The following SPIDR variants were observed in gnomAD, a reference collection of about 807,000 sequenced individuals.
SPIDR encodes scaffold protein involved in DNA repair.
A neutral mutation model predicts 104.6 loss-of-function variants in SPIDR; 93 were observed. The observed-to-expected ratio is 0.89, with a 90% CI of 0.75 to 1.06. The LOEUF is 1.06. Ranked by LOEUF, SPIDR falls within the 50% of genes least tolerant of loss-of-function variation. The pLI is 0.00. For synonymous variants in SPIDR, 431 were observed against 416.9 expected (o/e 1.03, Z -0.41); for missense variants, 1,154 against 1,111.2 (o/e 1.04, Z -0.55).
intron 8 of SPIDR, among the ~76,000 whole-genome samples, chr8:47,578,534 G>A (rs2059377095): frequency 6.6e-6 from 1 of 152,050 alleles, no homozygotes; most frequent in Non-Finnish European, 1.5e-5. Flanking sequence ...GAAATCATAT[G>A]TATGGAAACT....
At chr8:47,324,490 T>C (rs1554599077) in intron 5 of SPIDR, among the ~76,000 whole-genome samples, 1 of 152,234 alleles carries the variant, frequency 6.6e-6, no homozygotes, top group African/African-American at 2.4e-5. Flanking sequence ...TTATCTGTGC[T>C]GTGAAGTGAA....
intron 14 of SPIDR, among the ~76,000 whole-genome samples, chr8:47,711,662 A>G (rs1353092083): frequency 2.0e-5 from 3 of 152,148 alleles, no homozygotes; most frequent in Non-Finnish European, 4.4e-5. Flanking sequence ...ACACACAACT[A>G]TATCTACTTC....
At chr8:47,357,558 G>A (rs1326662846) in intron 5 of SPIDR, among the ~76,000 whole-genome samples, 7 of 152,120 alleles carry the variant, frequency 4.6e-5, no homozygotes, top group East Asian at 1.9e-4. Context: ...TTCGTCCATC[G>A]TTTTACTCTG....
At chr8:47,481,351 G>GC (rs375730386) in intron 8 of SPIDR, among the ~76,000 whole-genome samples, 45 of 152,292 alleles carry the variant, frequency 3.0e-4, no homozygotes, top group African/African-American at 1.1e-3. Flanking sequence ...CAAGATTGAT[G>GC]GTTGGCCAGA....
At chr8:47,489,592 C>T (rs1179131791) in intron 8 of SPIDR, among the ~76,000 whole-genome samples, 1 of 152,236 alleles carries the variant, frequency 6.6e-6, no homozygotes. Context: ...CACTATTTGA[C>T]TTTAAACTAT....
rs374317684 is a variant in SPIDR, at chr8:47,599,013, G to A, written c.1361G>A (p.Arg454His). 61 of 1,613,258 alleles carry A rather than the reference G, an allele frequency of 3.8e-5. No individual in the cohort carries two copies. The highest frequency in any genetic ancestry group is 2.1e-4 in the African/African-American group (16 of 74,914). The change falls in exon 10 of 20, where the codon CGC becomes CAC. Residue 454 changes from arginine (R) to histidine (H), a missense_variant. Transcript: ENST00000297423. Reference protein sequence around the residue: ...WTHGHKEAKQRIPTSTPLRDS... With the variant: ...WTHGHKEAKQHIPTSTPLRDS... ...CATGGGCACAAAGAAGCAAAACAGCGCATCCCAACCAGCACTCCCCTGAGG... is the reference window on the plus strand; with the variant it reads ...CATGGGCACAAAGAAGCAAAACAGCACATCCCAACCAGCACTCCCCTGAGG...
chr8:47,402,552 C>T (rs1368401810), intron 6 of SPIDR, among the ~76,000 whole-genome samples: 4 of 152,120 alleles, frequency 2.6e-5, no homozygotes, highest in African/African-American at 9.7e-5. Flanking sequence ...ACACAAACTA[C>T]CATCAGAGAA....
At chr8:47,268,049 T>C (rs2034462288) in intron 1 of SPIDR, among the ~76,000 whole-genome samples, 1 of 152,212 alleles carries the variant, frequency 6.6e-6, no homozygotes, top group African/African-American at 2.4e-5. Context: ...TTCTTTTCGA[T>C]GTGGATACCC....
intron 1 of SPIDR, among the ~76,000 whole-genome samples, chr8:47,277,799 C>T (rs1263885561): frequency 4.6e-5 from 7 of 151,496 alleles, no homozygotes; most frequent in South Asian, 2.1e-4. Context: ...CTCAGCCTCC[C>T]GAGTAGCTGG....
At chr8:47,627,556 T>C (rs1395144858) in intron 10 of SPIDR, among the ~76,000 whole-genome samples, 1 of 152,214 alleles carries the variant, frequency 6.6e-6, no homozygotes, top group East Asian at 1.9e-4. Context: ...AGTGTGTGTA[T>C]GTGTTTAAGA....
At chr8:47,368,840 GAAAT>G (rs1393471204) in intron 5 of SPIDR, among the ~76,000 whole-genome samples, 1 of 152,154 alleles carries the variant, frequency 6.6e-6, no homozygotes, top group Non-Finnish European at 1.5e-5. Context: ...ACTGAAAAGG[GAAAT>G]AAATAGGTGA....
At chr8:47,349,853 C>T (rs987563973) in intron 5 of SPIDR, among the ~76,000 whole-genome samples, 8 of 152,314 alleles carry the variant, frequency 5.3e-5, no homozygotes, top group Non-Finnish European at 8.8e-5. Flanking sequence ...GGGAGTGTCC[C>T]GATTTTCCAG....
At position 47,565,202 on chromosome 8, in the gene SPIDR, C is replaced by T. The variant is rs577557257; in HGVS notation, c.1098-30609C>T. ...CAGAGGTTGCGGTGAACCAAGATCA[C>T]GCCATTGCACTCCAGCCTGGACAAG... On this transcript the variant is annotated intron_variant, in intron 8 of 19. Coordinates refer to ENST00000297423, the MANE Select transcript of SPIDR (RefSeq NM_001080394.4). Among the ~76,000 whole-genome samples, 209 of 152,224 alleles carry T rather than the reference C, an allele frequency of 1.4e-3. 1 individual carries two copies. Among genetic ancestry groups the T allele is most frequent in the African/African-American group, 4.9e-3 (203 of 41,522 alleles).
At chr8:47,330,064 A>T (rs773499832) in intron 5 of SPIDR, among the ~76,000 whole-genome samples, 12 of 152,198 alleles carry the variant, frequency 7.9e-5, no homozygotes, top group Non-Finnish European at 1.8e-4. Context: ...TTCTTAGGTC[A>T]CTTTCCTTCA....
At position 47,392,361 on chromosome 8, in the gene SPIDR, T is replaced by C. The variant is rs549184505; in HGVS notation, c.526-4015T>C. 3.3e-5 allele frequency among the ~76,000 whole-genome samples: 5 copies of C among 152,342 alleles called. No individual in the cohort carries two copies. The East Asian group carries it at 9.7e-4, about 29-fold the overall frequency. On this transcript the variant is annotated intron_variant, in intron 5 of 19. Transcript: ENST00000297423. ...CCAAGTGGTCTTCTCCATTTCTACA[T>C]CTGCTGTATGCAGGGTATGTTTGCT... is the stretch of plus-strand genomic sequence containing the variant.
chr8:47,301,648 C>A (rs1162998777), intron 5 of SPIDR, among the ~76,000 whole-genome samples: 36 of 143,622 alleles, frequency 2.5e-4, no homozygotes, highest in African/African-American at 9.2e-4. Flanking sequence ...TGGTGGTGAC[C>A]AAATCTCTCA....
chr8:47,505,844 G>A (rs183561810), intron 8 of SPIDR, among the ~76,000 whole-genome samples: 35 of 152,228 alleles, frequency 2.3e-4, no homozygotes, highest in Admixed American at 1.1e-3. Context: ...CACTCTCTCC[G>A]AACCGTTACC....
chr8:47,343,592 C>T (rs1365929234), intron 5 of SPIDR, among the ~76,000 whole-genome samples: 2 of 152,188 alleles, frequency 1.3e-5, no homozygotes, highest in African/African-American at 4.8e-5. Flanking sequence ...TGGATGGAGT[C>T]TCATCTGCGT....
At chr8:47,304,644 C>T (rs1167796684) in intron 5 of SPIDR, among the ~76,000 whole-genome samples, 2 of 152,204 alleles carry the variant, frequency 1.3e-5, no homozygotes, top group African/African-American at 2.4e-5. Flanking sequence ...TTGCCTCCCA[C>T]CATGAGTGAA....
Sources: allele counts gnomAD v4.1 joint callset (sites outside exome capture counted in the v4.1 genomes callset), GRCh38; gene constraint gnomAD v4.1.1; transcripts MANE v1.5; gene names NCBI Gene and HGNC (gene_info 2026-07-23, HGNC 2026-07-21).